Variants in PCCA observed in about 807,000 individuals in gnomAD.
PCCA encodes propionyl-CoA carboxylase subunit alpha.
Under a neutral mutation model 101.3 loss-of-function variants are expected in PCCA, and 74 were observed. That is an observed-to-expected ratio of 0.73 (90% CI 0.61 to 0.89). The LOEUF is 0.89. Ranked by LOEUF, PCCA falls within the 40% of genes least tolerant of loss-of-function variation. PCCA has a pLI of 0.00. For missense variants in PCCA, 891 were observed against 907.0 expected, an observed-to-expected ratio of 0.98 and a Z score of 0.23; for synonymous variants, 294 against 313.6, an observed-to-expected ratio of 0.94 and a Z score of 0.66.
chr13:100,285,613 A>G (rs935902069), intron 12 of PCCA, among the ~76,000 whole-genome samples: 6 of 152,168 alleles, frequency 3.9e-5, no homozygotes, highest in African/African-American at 1.4e-4. Flanking sequence ...GTTTATGGCT[A>G]TCAGACAGCC....
At chr13:100,172,642 A>T (rs2055809578) in intron 6 of PCCA, among the ~76,000 whole-genome samples, 1 of 152,242 alleles carries the variant, frequency 6.6e-6, no homozygotes, top group South Asian at 2.1e-4. Context: ...ATGAGTTTAG[A>T]TAAAATAAGA....
chr13:100,256,961 TG>T (rs1381173269), intron 8 of PCCA, among the ~76,000 whole-genome samples: 1 of 152,168 alleles, frequency 6.6e-6, no homozygotes, highest in African/African-American at 2.4e-5. Context: ...AAGTGTGCTT[TG>T]TTTTGACCTT....
chr13:100,429,803 C>T (rs968011630), intron 20 of PCCA, among the ~76,000 whole-genome samples: 2 of 151,752 alleles, frequency 1.3e-5, no homozygotes, highest in African/African-American at 2.4e-5. Flanking sequence ...GATGAGGTTT[C>T]GCCATGTTGG....
chr13:100,462,938 G>T (rs183826247), intron 21 of PCCA, among the ~76,000 whole-genome samples: 1 of 152,286 alleles, frequency 6.6e-6, no homozygotes, highest in Non-Finnish European at 1.5e-5. Flanking sequence ...GAGAAATTGT[G>T]AACAGTTTTT....
chr13:100,302,388 A>G (rs1264076671), intron 13 of PCCA, among the ~76,000 whole-genome samples: 1 of 152,084 alleles, frequency 6.6e-6, no homozygotes, highest in African/African-American at 2.4e-5. Context: ...TTCATATTTT[A>G]AGTAGTATTA....
chr13:100,500,282 G>C (rs1338754689), intron 21 of PCCA, among the ~76,000 whole-genome samples: 3 of 151,658 alleles, frequency 2.0e-5, no homozygotes, highest in Non-Finnish European at 4.4e-5. Flanking sequence ...CCAGACCAAG[G>C]GCAGTGGTGG....
At chr13:100,490,703 C>G (rs2084842444) in intron 21 of PCCA, 1 of 152,292 alleles carries the variant, frequency 6.6e-6, no homozygotes, top group Non-Finnish European at 1.5e-5. Context: ...AAGTTCCTTT[C>G]TGCCTGTTTG....
At chr13:100,422,147 T>TTTC (rs2078870323) in intron 19 of PCCA, among the ~76,000 whole-genome samples, 1 of 145,976 alleles carries the variant, frequency 6.9e-6, no homozygotes, top group African/African-American at 2.6e-5. Flanking sequence ...TTTTTTTTTT[T>TTTC]TTTTTGACAG....
chr13:100,287,521 AT>A (rs1449453612), intron 12 of PCCA, among the ~76,000 whole-genome samples: 1 of 152,116 alleles, frequency 6.6e-6, no homozygotes, highest in Admixed American at 6.5e-5. Context: ...TTTTGTCATC[AT>A]TTTCCTTCAT....
intron 21 of PCCA, among the ~76,000 whole-genome samples, chr13:100,484,322 G>C (rs578071399): frequency 6.6e-6 from 1 of 152,088 alleles, no homozygotes; most frequent in South Asian, 2.1e-4. Context: ...AGAGGCTCTC[G>C]TGAAACCCTT....
At chr13:100,230,651 C>G (rs1233324576) in intron 7 of PCCA, among the ~76,000 whole-genome samples, 2 of 152,176 alleles carry the variant, frequency 1.3e-5, no homozygotes, top group African/African-American at 4.8e-5. Flanking sequence ...GCCTCCCAGC[C>G]TGACTCTTCA....
chr13:100,443,840 G>C (rs1054078615), intron 20 of PCCA, among the ~76,000 whole-genome samples: 1 of 152,058 alleles, frequency 6.6e-6, no homozygotes, highest in Non-Finnish European at 1.5e-5. Flanking sequence ...TAGTTCTTCT[G>C]TTGTGGCTGC....
chr13:100,449,199 CA>C, intron 20 of PCCA, 52 bp from the exon 21 acceptor site: 2 of 1,137,444 alleles, frequency 1.8e-6, no homozygotes, highest in Non-Finnish European at 2.6e-6. Context: ...GTGAACATTA[CA>C]TACAAGCTGT....
intron 19 of PCCA, among the ~76,000 whole-genome samples, chr13:100,423,610 G>A (rs12431159): frequency 0.18 from 27,969 of 152,084 alleles, 3,696 homozygotes; most frequent in East Asian, 0.61. Context: ...GACTCATTGT[G>A]TAGATGATGA....
At chr13:100,324,034 G>C (rs185115812) in intron 16 of PCCA, among the ~76,000 whole-genome samples, 1 of 152,178 alleles carries the variant, frequency 6.6e-6, no homozygotes, top group Non-Finnish European at 1.5e-5. Flanking sequence ...TTCTTATGCA[G>C]CATGATGGTA....
At chr13:100,440,785 A>G (rs1018580455) in intron 20 of PCCA, among the ~76,000 whole-genome samples, 11 of 152,148 alleles carry the variant, frequency 7.2e-5, no homozygotes, top group Non-Finnish European at 1.6e-4. Context: ...ATATATAAAT[A>G]TATAACTTAG....
At chr13:100,517,946 T>C (rs1288775711) in intron 22 of PCCA, among the ~76,000 whole-genome samples, 2 of 152,200 alleles carry the variant, frequency 1.3e-5, no homozygotes, top group African/African-American at 4.8e-5. Context: ...TTGAGGCCAT[T>C]GTGAGGAAAC....
At chr13:100,133,833 A>G (rs1467390079) in intron 4 of PCCA, among the ~76,000 whole-genome samples, 5 of 152,214 alleles carry the variant, frequency 3.3e-5, no homozygotes, top group African/African-American at 9.6e-5. Flanking sequence ...TGAAGCAGGC[A>G]GAAGAGTGTG....
intron 1 of PCCA, among the ~76,000 whole-genome samples, chr13:100,102,063 C>T (rs2047334226): frequency 6.6e-6 from 1 of 151,932 alleles, no homozygotes; most frequent in African/African-American, 2.4e-5. Flanking sequence ...TTCCTTCTAG[C>T]TTTAACAGTG....
Sources: gnomAD v4.1 joint callset for allele counts (sites outside exome capture counted in the v4.1 genomes callset) on GRCh38, gnomAD v4.1.1 for gene constraint, MANE v1.5 for transcripts, NCBI Gene and HGNC (gene_info 2026-07-23, HGNC 2026-07-21) for gene names.